Variants in MBNL2 observed in about 807,000 individuals in gnomAD.
MBNL2 encodes the protein muscleblind-like protein 2.
MBNL2 carries 17 observed loss-of-function variants against 41.9 expected under a neutral mutation model. That is an observed-to-expected ratio of 0.41 (90% CI 0.28 to 0.61). The LOEUF (loss-of-function observed/expected upper bound fraction) is 0.61, where lower values mean the gene tolerates loss of function less well. MBNL2 is among the 20% of genes least tolerant of loss of function. The probability of loss-of-function intolerance (pLI) is 0.35; values close to 1 mark genes in which losing one functional copy is unlikely to be tolerated. For missense variants in MBNL2, 336 were observed against 505.6 expected (o/e 0.66, Z 3.22); for synonymous variants, 195 against 182.9 (o/e 1.07, Z -0.53).
chr13:97,383,794 C>T (rs1029653418), intron 8 of MBNL2, among the ~76,000 whole-genome samples: 14 of 152,154 alleles, frequency 9.2e-5, no homozygotes, highest in African/African-American at 2.9e-4. Context: ...TCAAATATGG[C>T]ATGACACTGC....
chr13:97,151,028 G>A, the MBNL2 span, among the ~76,000 whole-genome samples: 1 of 152,098 alleles, frequency 6.6e-6, no homozygotes, highest in East Asian at 1.9e-4. Flanking sequence ...CTACTAAAAG[G>A]ACTATAAGAG....
chr13:97,276,601 T>G (rs537266882), intron 2 of MBNL2, among the ~76,000 whole-genome samples, 192 bp downstream of exon 2: 1 of 152,304 alleles, frequency 6.6e-6, no homozygotes, highest in South Asian at 2.1e-4. Context: ...ATACCCATGT[T>G]TAAATTAAAA....
chr13:97,298,176 A>G (rs2057263363), intron 2 of MBNL2, among the ~76,000 whole-genome samples: 3 of 151,672 alleles, frequency 2.0e-5, no homozygotes, highest in Admixed American at 2.0e-4. Context: ...TTGAAGTATA[A>G]TAAAATAATA....
intron 1 of MBNL2, among the ~76,000 whole-genome samples, chr13:97,259,111 A>G (rs1370142909): frequency 1.3e-5 from 2 of 152,134 alleles, no homozygotes; most frequent in African/African-American, 2.4e-5. Flanking sequence ...ACTCTGAGCA[A>G]TCTTTTCTGC....
rs146813941 is a variant in MBNL2 at position 97,234,572 on chromosome 13, G to A, written c.-605+12041G>A. On this transcript the variant is annotated intron_variant, in intron 1 of 8. Transcript: ENST00000679496. ...ATCTTCCACAACTGCATGATGGGAT[G>A]CTTTAAAATTGTTTTCAGTCCCAAC... Among the ~76,000 whole-genome samples the A allele has an allele frequency of 2.1e-3, 318 of 152,258 alleles. 2 individuals carry two copies. The highest frequency in any genetic ancestry group is 7.2e-3 in the African/African-American group (299 of 41,544).
intron 2 of MBNL2, among the ~76,000 whole-genome samples, chr13:97,311,439 A>C (rs1197039718): frequency 6.6e-6 from 1 of 152,238 alleles, no homozygotes; most frequent in Non-Finnish European, 1.5e-5. Flanking sequence ...ATCCCCTCTC[A>C]CCATGTTTCC....
At chr13:97,371,411 A>G (rs2064362630) in intron 8 of MBNL2, among the ~76,000 whole-genome samples, 2 of 152,170 alleles carry the variant, frequency 1.3e-5, no homozygotes, top group Admixed American at 1.3e-4. Context: ...TTAAATAGAA[A>G]GAAAGACAAA....
chr13:97,222,991 T>G (rs1276749319), intron 1 of MBNL2, among the ~76,000 whole-genome samples: 1 of 152,206 alleles, frequency 6.6e-6, no homozygotes, highest in African/African-American at 2.4e-5. Flanking sequence ...GTCTATTTAT[T>G]AAAAATTAGG....
chr13:97,220,246 A>G (rs937383966), upstream of MBNL2, among the ~76,000 whole-genome samples: 60 of 152,336 alleles, frequency 3.9e-4, no homozygotes, highest in Non-Finnish European at 8.8e-5. Context: ...TAATTAATAT[A>G]CGACACAAGC....
chr13:97,167,441 G>C, the MBNL2 span, among the ~76,000 whole-genome samples: 1 of 151,338 alleles, frequency 6.6e-6, no homozygotes, highest in Non-Finnish European at 1.5e-5. Context: ...CCAGAAAGTA[G>C]ATATTTTTAT....
chr13:97,166,784 A>ATAGT, the MBNL2 span, among the ~76,000 whole-genome samples: 1 of 18,034 alleles, frequency 5.5e-5, no homozygotes, highest in East Asian at 1.3e-3. Flanking sequence ...ACTTCCCTTG[A>ATAGT]TAGATAGATA....
chr13:97,377,773 G>T (rs1033653279), intron 8 of MBNL2, among the ~76,000 whole-genome samples: 1 of 152,212 alleles, frequency 6.6e-6, no homozygotes, highest in Non-Finnish European at 1.5e-5. Context: ...AAGGAAAAAA[G>T]TTAAAATAGG....
At chr13:97,168,418 A>G in the MBNL2 span, among the ~76,000 whole-genome samples, 1 of 152,238 alleles carries the variant, frequency 6.6e-6, no homozygotes, top group African/African-American at 2.4e-5. Flanking sequence ...GAAAAAACAG[A>G]TATTATATAA....
intron 2 of MBNL2, among the ~76,000 whole-genome samples, chr13:97,320,771 C>G (rs925720151): frequency 1.3e-5 from 2 of 151,836 alleles, no homozygotes; most frequent in Admixed American, 6.6e-5. Flanking sequence ...AAAAATTAGC[C>G]GGGCATGGTG....
chr13:97,346,671 T>G lies in MBNL2; in HGVS notation c.541-133T>G. On this transcript the variant is annotated intron_variant, in intron 4 of 8. Coordinates refer to ENST00000679496, the MANE Select transcript of MBNL2 (RefSeq NM_001382683.1). This position sits in a 1 kb window ranked among gnomAD's most constrained non-coding sequence, Gnocchi z 4.2. ...GGTTACCTGGGCTCCGCATAATCAA[T>G]CTTTTCTTGTCAGTGGTACATGAGC... 1 of 648,308 alleles carries G rather than the reference T, an allele frequency of 1.5e-6. No individual in the cohort carries two copies. Among genetic ancestry groups the G allele is most frequent in the Non-Finnish European group, 2.6e-6 (1 of 381,816 alleles). 40.2% of individuals were successfully genotyped at this position (648,308 alleles called of 1,614,324 possible).
chr13:97,157,628 C>T, the MBNL2 span, among the ~76,000 whole-genome samples: 4 of 150,200 alleles, frequency 2.7e-5, no homozygotes, highest in African/African-American at 5.0e-5. Context: ...TTGTCAAAGG[C>T]CTTTTCTGCA....
chr13:97,150,380 G>A, the MBNL2 span, among the ~76,000 whole-genome samples: 2 of 152,152 alleles, frequency 1.3e-5, no homozygotes, highest in Non-Finnish European at 2.9e-5. Context: ...ACATTCTAAC[G>A]AGTTTTTAGA....
At chr13:97,244,881 G>A (rs2045122309) in intron 1 of MBNL2, among the ~76,000 whole-genome samples, 1 of 152,116 alleles carries the variant, frequency 6.6e-6, no homozygotes, top group South Asian at 2.1e-4. Context: ...TCTAATTACT[G>A]AAGAGCTTGA....
At chr13:97,349,995 G>A (rs1179127534) in intron 5 of MBNL2, among the ~76,000 whole-genome samples, 1 of 152,188 alleles carries the variant, frequency 6.6e-6, no homozygotes, top group Non-Finnish European at 1.5e-5. Flanking sequence ...AGGATGCTGT[G>A]ATTGACTCAG....
Sources: gnomAD v4.1 joint callset for allele counts (sites outside exome capture counted in the v4.1 genomes callset) on GRCh38, gnomAD v4.1.1 for gene constraint, Gnocchi (gnomAD v3.1) non-coding constraint, MANE v1.5 for transcripts, NCBI Gene and HGNC (gene_info 2026-07-23, HGNC 2026-07-21) for gene names.